Variants in PPFIA3 observed in about 807,000 individuals in gnomAD.
PPFIA3 encodes the protein liprin-alpha-3.
In PPFIA3, 26 loss-of-function variants were observed where a neutral mutation model predicts 145.8. That is an observed-to-expected ratio of 0.18 (90% CI 0.13 to 0.25). PPFIA3 has a LOEUF of 0.25. Among genes scored for constraint, PPFIA3 ranks in the 10% least tolerant of loss-of-function variants. The pLI is 1.00. For synonymous variants in PPFIA3, 645 were observed against 661.4 expected (o/e 0.98, Z 0.38); for missense variants, 1,008 against 1,587.8 (o/e 0.63, Z 6.21).
In PPFIA3 at chr19:49,130,019, T is replaced by C; in HGVS notation, c.609T>C (p.Ser203=). The C allele has an allele frequency of 6.2e-7, 1 of 1,613,614 alleles. No individual in the cohort carries two copies. The highest frequency in any genetic ancestry group is 1.3e-5 in the African/African-American group (1 of 74,986). The stretch of plus-strand genomic sequence containing the variant: ...CTCTGAACCTTCGAGAACAGCTGTC[T>C]AGGCGGCGGTCAGGGCTGGAAGAGC... ...QETLNLREQL[S]RRRSGLEEPG... The change falls in exon 6 of 30, where the codon TCT becomes TCC. Residue 203 remains serine (S), a synonymous_variant. Transcript: ENST00000334186. The surrounding 1 kb of genome is among the most constrained non-coding windows in gnomAD (Gnocchi z 4.5).
At chr19:49,146,216 G>A in intron 23 of PPFIA3, 24 bp downstream of exon 23, 1 of 1,612,340 alleles carries the variant, frequency 6.2e-7, no homozygotes, top group South Asian at 1.1e-5. Flanking sequence ...GGCGGGGCGT[G>A]AGCGCATGAA....
chr19:49,134,239 C>G lies in PPFIA3; in HGVS notation c.1377+74C>G. On this transcript the variant is annotated intron_variant, in intron 11 of 29. Transcript: ENST00000334186. ...CTTGCTGGAATCCTGGGGCCCCAGG[C>G]CTTTCCCTCAGATCTGTTATCGGAG... is the stretch of plus-strand genomic sequence containing the variant. 2.0e-6 allele frequency: 3 copies of G among 1,529,518 alleles called. No homozygotes were observed. The South Asian group carries it at 3.9e-5, about 20-fold the overall frequency. 94.7% of individuals were successfully genotyped at this position (1,529,518 alleles called of 1,614,324 possible). A position where few individuals can be genotyped will look rare whatever the true frequency, so the allele number is the denominator to read the frequency against.
At chr19:49,146,315 G>A (rs141295013) in intron 23 of PPFIA3, 123 bp downstream of exon 23, 25,334 of 1,284,180 alleles carry the variant, frequency 0.02, 333 homozygotes, top group Non-Finnish European at 0.021. Context: ...GGGGGGCGCT[G>A]CGCCAAGCTT....
chr19:49,137,133 T>G, intron 15 of PPFIA3: 2 of 408,060 alleles, frequency 4.9e-6, no homozygotes, highest in Non-Finnish European at 4.3e-6. Flanking sequence ...GTACTCACCA[T>G]TCCCCAACAC....
Position 49,133,945 on chromosome 19 carries a change from C to T in PPFIA3, c.1245+66C>T. On this transcript the variant is annotated intron_variant, in intron 10 of 29. Transcript: ENST00000334186. The surrounding 1 kb of genome is among the most constrained non-coding windows in gnomAD (Gnocchi z 7.2). ...GCTGGGGCGGAGCTTAATAAGGAGG[C>T]TGGGCTGGGCCCGGGGGTGGGGCTT... 6.2e-7 allele frequency: 1 copy of T among 1,606,294 alleles called. No homozygotes were observed. Among genetic ancestry groups the T allele is most frequent in the South Asian group, 1.1e-5 (1 of 90,300 alleles).
chr19:49,142,786 T>C lies in PPFIA3; in HGVS notation c.2545-18T>C, dbSNP rs373766181. The C allele has an allele frequency of 6.6e-7, 1 of 1,524,120 alleles. No individual in the cohort carries two copies. The highest frequency in any genetic ancestry group is 1.5e-5 in the African/African-American group (1 of 68,674). The allele number at this position is 1,524,120 out of a possible 1,614,324, so 94.4% of individuals were successfully genotyped here. On this transcript the variant is annotated intron_variant, in intron 20 of 29. Coordinates refer to ENST00000334186, the MANE Select transcript of PPFIA3 (RefSeq NM_003660.4). ...TCTGTCCCTCTGTCCCCTCTGTCCC[T>C]CTGTCCCTCCGCTGCAGCTGTGGGT...
chr19:49,131,028 A>ATTT lies in PPFIA3; in HGVS notation c.879+444_879+446dup, dbSNP rs33934210. On this transcript the variant is annotated intron_variant, in intron 7 of 29. Transcript: ENST00000334186. Reference sequence around the variant, plus strand: ...AGGCACCTGCCACCATGCACCGCTAATTTTTTTTTTTTTTTTTGTATTTTT... The same window carrying ATTT: ...AGGCACCTGCCACCATGCACCGCTAATTTTTTTTTTTTTTTTTTTTGTATTTTT... Among the ~76,000 whole-genome samples the ATTT allele has an allele frequency of 2.2e-3, 301 of 134,350 alleles. 1 individual carries two copies. Among genetic ancestry groups the ATTT allele is most frequent in the Middle Eastern group, 7.5e-3 (2 of 266 alleles). 88.1% of individuals were successfully genotyped at this position (134,350 alleles called of 152,430 possible). A position where few individuals can be genotyped will look rare whatever the true frequency, so the allele number is the denominator to read the frequency against.
In PPFIA3 at chr19:49,130,787, A is replaced by G. The variant is rs1350090864; in HGVS notation, c.879+188A>G. On this transcript the variant is annotated intron_variant, in intron 7 of 29. Coordinates refer to ENST00000334186, the MANE Select transcript of PPFIA3 (RefSeq NM_003660.4). The surrounding 1 kb of genome is among the most constrained non-coding windows in gnomAD (Gnocchi z 4.5). Reference sequence around the variant, plus strand: ...TCATCAGAGGGTGAGCCTGTGGCGCAGAGTAGGCGCTCCATAACTGCTCGT... The same window carrying G: ...TCATCAGAGGGTGAGCCTGTGGCGCGGAGTAGGCGCTCCATAACTGCTCGT... Among the ~76,000 whole-genome samples, 1 of 152,218 alleles carries G rather than the reference A, an allele frequency of 6.6e-6. No individual in the cohort carries two copies. The highest frequency in any genetic ancestry group is 1.5e-5 in the Non-Finnish European group (1 of 68,028).
intron 21 of PPFIA3, 87 bp from the exon 22 acceptor site, chr19:49,145,856 G>A: frequency 8.5e-7 from 1 of 1,179,948 alleles, no homozygotes; most frequent in East Asian, 2.4e-5. Flanking sequence ...ATAAACGTGT[G>A]GCCCAGGGCC....
Position 49,133,217 on chromosome 19 carries a change from C to A in PPFIA3, c.1027-20C>A. 6.3e-7 allele frequency: 1 copy of A among 1,593,452 alleles called. No individual in the cohort carries two copies. Among genetic ancestry groups the A allele is most frequent in the South Asian group, 1.1e-5 (1 of 89,904 alleles). Reference sequence around the variant, plus strand: ...CAAGTGACCCAGCCCGTCCCCTCCCCCTGCCTCTCCCTCCCCCAGAGTGAA... The same window carrying A: ...CAAGTGACCCAGCCCGTCCCCTCCCACTGCCTCTCCCTCCCCCAGAGTGAA... On this transcript the variant is annotated intron_variant, in intron 8 of 29. Transcript: ENST00000334186. This position sits in a 1 kb window ranked among gnomAD's most constrained non-coding sequence, Gnocchi z 7.2.
In PPFIA3 at chr19:49,130,408, G is replaced by T. The variant is rs1322852492; in HGVS notation, c.688G>T (p.Asp230Tyr). 6.2e-7 allele frequency: 1 copy of T among 1,609,896 alleles called. No homozygotes were observed. ...TLANGLGPGGDSNRRTAELEE... is the reference protein window; with the variant it reads ...TLANGLGPGGYSNRRTAELEE... ...TGCCAATGGCCTGGGTCCTGGCGGG[G>T]ATTCCAACCGGCGCACAGCAGAGCT... Residue 230 changes from aspartate (D) to tyrosine (Y), a missense_variant, in exon 7 of 30, where the codon GAT becomes TAT. By Grantham distance (160) the Asp-to-Tyr change is radical (BLOSUM62 -3). Transcript: ENST00000334186. The surrounding 1 kb of genome is among the most constrained non-coding windows in gnomAD (Gnocchi z 4.5).
intron 11 of PPFIA3, 27 bp downstream of exon 11, chr19:49,134,192 A>T: frequency 6.4e-7 from 1 of 1,568,342 alleles, no homozygotes; most frequent in Non-Finnish European, 8.6e-7. Flanking sequence ...GGACTGCGGG[A>T]CGCGGAATTC....
At chr19:49,125,416 G>A (rs944975066) in intron 1 of PPFIA3, 1 of 152,326 alleles carries the variant, frequency 6.6e-6, no homozygotes, top group African/African-American at 2.4e-5. Context: ...GCTTTCCGCC[G>A]GGCCAGCTGG....
In PPFIA3 at chr19:49,139,654, C is replaced by A; in HGVS notation, c.2077-14C>A. ...CTTTGAACTCAATCCAGCATCTGTG[C>A]CCTCTGTCCTCAGAATCATGTCCCT... On this transcript the variant is annotated splice_polypyrimidine_tract_variant and intron_variant, in intron 16 of 29. Coordinates refer to ENST00000334186, the MANE Select transcript of PPFIA3 (RefSeq NM_003660.4). 6.4e-7 allele frequency: 1 copy of A among 1,560,716 alleles called. No homozygotes were observed. Among genetic ancestry groups the A allele is most frequent in the South Asian group, 1.2e-5 (1 of 83,236 alleles).
chr19:49,145,260 A>G (rs552273853), intron 21 of PPFIA3, among the ~76,000 whole-genome samples: 3 of 152,146 alleles, frequency 2.0e-5, no homozygotes, highest in Admixed American at 2.0e-4. Flanking sequence ...CAGGTTGGCC[A>G]GGCTAGTCTT....
In PPFIA3 at chr19:49,130,663, G is replaced by T. The variant is rs141371971; in HGVS notation, c.879+64G>T. The T allele has an allele frequency of 1.4e-3, 1,946 of 1,393,706 alleles. 43 individuals are homozygous for T. In the South Asian group the frequency reaches 0.019, roughly 14 times the overall value. 86.3% of individuals were successfully genotyped at this position (1,393,706 alleles called of 1,614,324 possible). On this transcript the variant is annotated intron_variant, in intron 7 of 29. Coordinates refer to ENST00000334186, the MANE Select transcript of PPFIA3 (RefSeq NM_003660.4). The surrounding 1 kb of genome is among the most constrained non-coding windows in gnomAD (Gnocchi z 4.5). ...GCCTTTCCGTAGAGCTCTCCCTCGCGCATTGCTCATGAATGGCGGAACCTC... is the reference window on the plus strand; with the variant it reads ...GCCTTTCCGTAGAGCTCTCCCTCGCTCATTGCTCATGAATGGCGGAACCTC...
At chr19:49,139,437 C>T (rs1237217996) in intron 16 of PPFIA3, among the ~76,000 whole-genome samples, 2 of 146,116 alleles carry the variant, frequency 1.4e-5, no homozygotes, top group African/African-American at 2.6e-5. Context: ...TGCAGTGAGC[C>T]GAGATTGTGC....
chr19:49,150,290 C>T lies in PPFIA3; in HGVS notation c.*68C>T. The stretch of plus-strand genomic sequence containing the variant: ...CGAGGCTGGGCTGTTCCCTCTCCTG[C>T]CCGGACTGTGGCCTCGCCGGGGAGA... On this transcript the variant is annotated 3_prime_UTR_variant, in exon 30 of 30. Coordinates refer to ENST00000334186, the MANE Select transcript of PPFIA3 (RefSeq NM_003660.4). The T allele has an allele frequency of 1.2e-6, 1 of 834,336 alleles. No individual in the cohort carries two copies. The highest frequency in any genetic ancestry group is 1.8e-6 in the Non-Finnish European group (1 of 547,674). 51.7% of individuals were successfully genotyped at this position (834,336 alleles called of 1,614,324 possible). A position where few individuals can be genotyped will look rare whatever the true frequency, so the allele number is the denominator to read the frequency against.
rs1464737961 is a variant in PPFIA3 at position 49,143,110 on chromosome 19, G to C, written c.2745+106G>C. 3.9e-6 allele frequency: 5 copies of C among 1,290,308 alleles called. No homozygotes were observed. In the South Asian group the frequency reaches 6.8e-5, roughly 18 times the overall value. 79.9% of individuals were successfully genotyped at this position (1,290,308 alleles called of 1,614,324 possible). On this transcript the variant is annotated intron_variant, in intron 21 of 29. Coordinates refer to ENST00000334186, the MANE Select transcript of PPFIA3 (RefSeq NM_003660.4). ...GCTCACTCCCCTGTCCCACGACCCT[G>C]CTTCTCATTGGCTTTTACCCCCCTC...
Sources: allele counts gnomAD v4.1 joint callset (sites outside exome capture counted in the v4.1 genomes callset), GRCh38; gene constraint gnomAD v4.1.1; non-coding constraint Gnocchi (gnomAD v3.1); transcripts MANE v1.5; gene names NCBI Gene and HGNC (gene_info 2026-07-23, HGNC 2026-07-21).